Variants in ARHGAP11B observed in about 807,000 individuals in gnomAD.
ARHGAP11B encodes the protein inactive Rho GTPase-activating protein 11B.
Under a neutral mutation model 27.6 loss-of-function variants are expected in ARHGAP11B, and 14 were observed. The observed-to-expected ratio is 0.51, with a 90% CI of 0.34 to 0.79. The LOEUF (loss-of-function observed/expected upper bound fraction) is 0.79. Ranked by LOEUF, ARHGAP11B falls within the 30% of genes least tolerant of loss-of-function variation. The pLI is 0.02. For synonymous variants in ARHGAP11B, 82 were observed against 114.1 expected, an observed-to-expected ratio of 0.72 and a Z score of 1.80; for missense variants, 245 against 320.1, an observed-to-expected ratio of 0.77 and a Z score of 1.79.
At chr15:30,638,098 G>A (rs984038794) in intron 6 of ARHGAP11B, among the ~76,000 whole-genome samples, 2 of 22,160 alleles carry the variant, frequency 9.0e-5, no homozygotes, top group Non-Finnish European at 1.6e-4. Context: ...AGGATTACAG[G>A]TGTGAGCCAC....
At chr15:30,631,409 C>A (rs1014359493) in intron 2 of ARHGAP11B, among the ~76,000 whole-genome samples, 1 of 151,996 alleles carries the variant, frequency 6.6e-6, no homozygotes, top group African/African-American at 2.4e-5. Context: ...TGCCTATAAT[C>A]CCAGCATTTT....
At chr15:30,630,628 T>G in intron 1 of ARHGAP11B, 75 bp from the exon 2 acceptor site, 2 of 1,560,910 alleles carry the variant, frequency 1.3e-6, no homozygotes, top group Non-Finnish European at 8.7e-7. Context: ...CTGAGTTCTT[T>G]AATTTGCCTA....
At chr15:30,635,390 A>T in intron 5 of ARHGAP11B, 97 bp from the exon 6 acceptor site, 1 of 1,498,928 alleles carries the variant, frequency 6.7e-7, no homozygotes. Flanking sequence ...CCTGCAAAGA[A>T]AAAAAGAAAA....
intron 6 of ARHGAP11B, 71 bp downstream of exon 6, chr15:30,635,704 G>A (rs1269010156): frequency 2.0e-6 from 3 of 1,488,326 alleles, no homozygotes; most frequent in Non-Finnish European, 2.7e-6. Flanking sequence ...ACATAAAGAA[G>A]CATGAACTGT....
chr15:30,630,607 T>A (rs2060238587), intron 1 of ARHGAP11B, 96 bp from the exon 2 acceptor site: 4 of 1,574,644 alleles, frequency 2.5e-6, no homozygotes, highest in Non-Finnish European at 3.4e-6. Flanking sequence ...TTTCTGATTT[T>A]TTTTAATTTC....
chr15:30,631,842 A>G (rs979708432), intron 2 of ARHGAP11B, among the ~76,000 whole-genome samples: 1 of 144,498 alleles, frequency 6.9e-6, no homozygotes, highest in Non-Finnish European at 1.5e-5. Context: ...GCTGGAGTGC[A>G]ATGGCGTGAT....
intron 7 of ARHGAP11B, among the ~76,000 whole-genome samples, chr15:30,643,391 G>A (rs1193105612): frequency 6.6e-6 from 1 of 150,530 alleles, no homozygotes; most frequent in Admixed American, 6.7e-5. Flanking sequence ...CTATTCTCCT[G>A]CCTCAGCCTC....
At chr15:30,630,452 G>C (rs1316078645) in intron 1 of ARHGAP11B, among the ~76,000 whole-genome samples, 4 of 151,826 alleles carry the variant, frequency 2.6e-5, no homozygotes, top group Non-Finnish European at 1.5e-5. Flanking sequence ...GGAAACTTGA[G>C]TTTACTAGAT....
intron 7 of ARHGAP11B, among the ~76,000 whole-genome samples, chr15:30,641,082 T>C (rs1053195895): frequency 1.3e-5 from 2 of 151,982 alleles, no homozygotes; most frequent in African/African-American, 4.8e-5. Flanking sequence ...AACAGTCTTG[T>C]TCTATTTTTA....
intron 1 of ARHGAP11B, among the ~76,000 whole-genome samples, chr15:30,630,443 G>A (rs2060237257): frequency 6.6e-6 from 1 of 151,786 alleles, no homozygotes; most frequent in Admixed American, 6.6e-5. Context: ...GATCAGATTG[G>A]AAACTTGAGT....
At chr15:30,630,601 T>C (rs1055030580) in intron 1 of ARHGAP11B, 102 bp from the exon 2 acceptor site, 8 of 1,575,096 alleles carry the variant, frequency 5.1e-6, no homozygotes, top group Non-Finnish European at 6.9e-6. Context: ...CATTTATTTC[T>C]GATTTTTTTT....
chr15:30,626,836 C>T (rs1450387072), exon 1 of ARHGAP11B: 1 of 1,613,648 alleles, frequency 6.2e-7, no homozygotes, highest in Admixed American at 1.7e-5. Context: ...GGATCAGAGG[C>T]TGGTGAAGTT....
chr15:30,631,400 G>A (rs533671791), intron 2 of ARHGAP11B, among the ~76,000 whole-genome samples: 11 of 152,102 alleles, frequency 7.2e-5, no homozygotes, highest in African/African-American at 2.4e-4. Context: ...AGTAGCTCAT[G>A]CCTATAATCC....
intron 7 of ARHGAP11B, among the ~76,000 whole-genome samples, chr15:30,639,196 T>C (rs185179147): frequency 3.9e-5 from 6 of 152,296 alleles, no homozygotes; most frequent in African/African-American, 1.4e-4. Flanking sequence ...GCTGAAATTA[T>C]TCAGCCAGTA....
chr15:30,636,348 A>G (rs2060279532), intron 6 of ARHGAP11B, among the ~76,000 whole-genome samples: 1 of 152,024 alleles, frequency 6.6e-6, no homozygotes, highest in African/African-American at 2.4e-5. Flanking sequence ...ATTATCAAGG[A>G]AGAATCAGAA....
At chr15:30,630,590 T>C in intron 1 of ARHGAP11B, 113 bp from the exon 2 acceptor site, 5 of 1,559,764 alleles carry the variant, frequency 3.2e-6, no homozygotes, top group Non-Finnish European at 3.5e-6. Flanking sequence ...TGATAGTTTA[T>C]CATTTATTTC....
At chr15:30,627,658 T>C (rs1038369240) in intron 1 of ARHGAP11B, among the ~76,000 whole-genome samples, 3 of 151,958 alleles carry the variant, frequency 2.0e-5, no homozygotes, top group Non-Finnish European at 2.9e-5. Context: ...GGATTTTGAA[T>C]GAGATTTTAA....
intron 1 of ARHGAP11B, among the ~76,000 whole-genome samples, chr15:30,630,305 G>A (rs1026806708): frequency 2.0e-5 from 3 of 152,070 alleles, no homozygotes; most frequent in African/African-American, 7.2e-5. Flanking sequence ...GTGACCAAAA[G>A]AAAGTATCTA....
In ARHGAP11B at chr15:30,627,326, G is replaced by A. The variant is rs556193154; in HGVS notation, c.129+377G>A. Among the ~76,000 whole-genome samples the A allele has an allele frequency of 2.0e-5, 3 of 152,142 alleles. No homozygotes were observed. The East Asian group carries it at 5.8e-4, about 29-fold the overall frequency. ...GTTGTGACGATTAAAAATGTCTCCG[G>A]ATATTGCCAGCTTACTGTATTTGGA... On this transcript the variant is annotated intron_variant, in intron 1 of 10. Coordinates refer to ENST00000428041, the Ensembl canonical transcript of ARHGAP11B.
Sources: gnomAD v4.1 joint callset for allele counts (sites outside exome capture counted in the v4.1 genomes callset) on GRCh38, gnomAD v4.1.1 for gene constraint, MANE v1.5 for transcripts, NCBI Gene and HGNC (gene_info 2026-07-23, HGNC 2026-07-21) for gene names.